SVIL: variants seen among roughly 807,000 people sequenced by gnomAD.
SVIL encodes archvillin.
SVIL carries 101 observed loss-of-function variants against 240.4 expected under a neutral mutation model. The ratio of observed to expected loss-of-function variants is 0.42; its 90% CI spans 0.36 to 0.50. The LOEUF (loss-of-function observed/expected upper bound fraction) is 0.50. Among genes scored for constraint, SVIL ranks in the 20% least tolerant of loss-of-function variants. The pLI is 0.01. For missense variants in SVIL, 2,512 were observed against 2,818.7 expected (o/e 0.89, Z 2.46); for synonymous variants, 999 against 1,100.0 (o/e 0.91, Z 1.82).
Position 29,523,787 on chromosome 10 carries a change from T to C in SVIL, c.2827A>G (p.Met943Val), listed in dbSNP as rs1353857882. 6.2e-7 allele frequency: 1 copy of C among 1,614,108 alleles called. No individual in the cohort carries two copies. Among genetic ancestry groups the C allele is most frequent in the Non-Finnish European group, 8.5e-7 (1 of 1,180,044 alleles). ...TCTGTCTCTCCATATTCTCTCAACA[T>C]TCCCTTGTTCTCGCTACCCTCTACC... ...PLVEGSENKG[M>V]LREYGETESK... Residue 943 changes from methionine to valine, a missense_variant, in exon 15 of 38, where the codon ATG (methionine) becomes GTG (valine). Met to Val is a conservative substitution (Grantham distance 21). This residue lies in a region of SVIL where 1,443 missense variants were observed against 1,486.6 expected (regional missense o/e 0.97). Coordinates refer to ENST00000355867, the MANE Select transcript of SVIL (RefSeq NM_021738.3).
In SVIL at chr10:29,595,576, A is replaced by T. The variant is rs544302057; in HGVS notation, c.-200-26264T>A. On this transcript the variant is annotated intron_variant, in intron 1 of 37. Coordinates refer to ENST00000355867, the MANE Select transcript of SVIL (RefSeq NM_021738.3). ...TCACTAATCGTTTTCTTAATGGAGAAAGAACTAAAAATGTAAATATGAAAC... is the reference window on the plus strand; with the variant it reads ...TCACTAATCGTTTTCTTAATGGAGATAGAACTAAAAATGTAAATATGAAAC... 2.7e-4 allele frequency among the ~76,000 whole-genome samples: 41 copies of T among 152,374 alleles called. No individual in the cohort carries two copies. The South Asian group carries it at 5.8e-3, about 22-fold the overall frequency.
At chr10:29,712,826 G>A (rs1464680394) in intron 1 of SVIL, among the ~76,000 whole-genome samples, 1 of 152,152 alleles carries the variant, frequency 6.6e-6, no homozygotes, top group Admixed American at 6.6e-5. Context: ...ATAAAATTTG[G>A]CACCTAATAG....
rs147620693 is a variant in SVIL at position 29,539,196 on chromosome 10, T to C, written c.828-3127A>G. 2.8e-3 allele frequency among the ~76,000 whole-genome samples: 420 copies of C among 151,044 alleles called. 3 individuals carry two copies. The highest frequency in any genetic ancestry group is 9.7e-3 in the African/African-American group (397 of 40,986). The stretch of plus-strand genomic sequence containing the variant: ...ATAAATAAATAAATAAATAAATAAA[T>C]AAACAAACAAAGTATGTGAAGGCAT... On this transcript the variant is annotated intron_variant, in intron 6 of 37. Transcript: ENST00000355867.
In SVIL at chr10:29,735,524, C is replaced by G. The variant is rs1189321549; in HGVS notation, c.-400+227G>C. On this transcript the variant is annotated intron_variant, in intron 1 of 35. Transcript: ENST00000375400. This position sits in a 1 kb window ranked among gnomAD's most constrained non-coding sequence, Gnocchi z 4.1. ...CGCGCCTTTGTTACGGCTCGGGGAC[C>G]CCGCGGGCCGAGCGCAGCGCCCCGT... 6.6e-6 allele frequency among the ~76,000 whole-genome samples: 1 copy of G among 150,508 alleles called. No individual in the cohort carries two copies.
chr10:29,713,393 T>G (rs1454924301), intron 1 of SVIL, among the ~76,000 whole-genome samples: 1 of 152,072 alleles, frequency 6.6e-6, no homozygotes, highest in Non-Finnish European at 1.5e-5. Flanking sequence ...CTAAAATAAT[T>G]TTAACAGGAA....
intron 1 of SVIL, among the ~76,000 whole-genome samples, chr10:29,599,794 A>C (rs1169527693): frequency 6.6e-6 from 1 of 152,132 alleles, no homozygotes; most frequent in Non-Finnish European, 1.5e-5. Context: ...GATAGACAGG[A>C]TATGGGTGGC....
chr10:29,482,021 C>CTTTTTTTTTTTTTT (rs35856299), intron 27 of SVIL, among the ~76,000 whole-genome samples: 4 of 113,408 alleles, frequency 3.5e-5, no homozygotes, highest in African/African-American at 8.9e-5. Context: ...CTTTTCTTTT[C>CTTTTTTTTTTTTTT]TTTTTTTTTT....
intron 13 of SVIL, 108 bp from the exon 14 acceptor site, chr10:29,524,823 C>T (rs1950790551): frequency 6.5e-7 from 1 of 1,538,616 alleles, no homozygotes; most frequent in Admixed American, 1.9e-5. Context: ...CAAAGGGCTT[C>T]TTTTTCCCTA....
At chr10:29,674,707 G>A (rs1286690285) in intron 2 of SVIL, among the ~76,000 whole-genome samples, 2 of 152,218 alleles carry the variant, frequency 1.3e-5, no homozygotes, top group African/African-American at 4.8e-5. Context: ...AGTTTTAGAT[G>A]TTAGATGTTT....
chr10:29,591,219 G>T (rs1406108045), intron 1 of SVIL, among the ~76,000 whole-genome samples: 1 of 152,114 alleles, frequency 6.6e-6, no homozygotes, highest in East Asian at 1.9e-4. Context: ...CAAATACTCT[G>T]GGAACACCTG....
chr10:29,569,058 T>C (rs986652499), intron 2 of SVIL, among the ~76,000 whole-genome samples, 197 bp downstream of exon 2: 1 of 152,262 alleles, frequency 6.6e-6, no homozygotes, highest in African/African-American at 2.4e-5. Flanking sequence ...ACAGCAAGAT[T>C]CTGTTCTCCA....
intron 6 of SVIL, 111 bp from the exon 7 acceptor site, chr10:29,536,180 C>T: frequency 9.8e-7 from 1 of 1,019,674 alleles, no homozygotes; most frequent in Non-Finnish European, 1.5e-6. Flanking sequence ...GAATAATCCT[C>T]ACTTATAAGT....
At chr10:29,651,111 C>T (rs912666234) in intron 3 of SVIL, among the ~76,000 whole-genome samples, 3 of 152,140 alleles carry the variant, frequency 2.0e-5, no homozygotes, top group Non-Finnish European at 4.4e-5. Context: ...GCACTCTTCT[C>T]CGAACCCCAG....
At chr10:29,685,807 A>G (rs950362749) in intron 2 of SVIL, among the ~76,000 whole-genome samples, 2 of 152,102 alleles carry the variant, frequency 1.3e-5, no homozygotes, top group Non-Finnish European at 2.9e-5. Flanking sequence ...CCTTTCCATC[A>G]TGATCTGAAC....
intron 29 of SVIL, among the ~76,000 whole-genome samples, chr10:29,474,954 C>T (rs915293459): frequency 2.0e-5 from 3 of 152,144 alleles, no homozygotes; most frequent in African/African-American, 4.8e-5. Flanking sequence ...GCTGATGGTC[C>T]CCATGGCTGG....
Position 29,629,597 on chromosome 10 carries a change from T to TTCATCCCTTCTACTCTGACTGGTAAAATA in SVIL, c.-201+4822_-201+4823insTATTTTACCAGTCAGAGTAGAAGGGATGA, listed in dbSNP as rs1219399860. ...CAGCTGGATTTGGGCACATGGTATG[T>TTCATCCCTTCTACTCTGACTGGTAAAATA]GCCCAAGCTTGGGCAAGCATTTCTA... On this transcript the variant is annotated intron_variant, in intron 1 of 37. Coordinates refer to ENST00000355867, the MANE Select transcript of SVIL (RefSeq NM_021738.3). 1.9e-3 allele frequency among the ~76,000 whole-genome samples: 242 copies of TTCATCCCTTCTACTCTGACTGGTAAAATA among 129,046 alleles called. 2 individuals carry two copies. Among genetic ancestry groups the TTCATCCCTTCTACTCTGACTGGTAAAATA allele is most frequent in the Admixed American group, 3.4e-3 (39 of 11,640 alleles). The allele number at this position is 129,046 out of a possible 152,430, so 84.7% of individuals were successfully genotyped here.
At chr10:29,712,807 C>T (rs1300933157) in intron 1 of SVIL, among the ~76,000 whole-genome samples, 1 of 152,122 alleles carries the variant, frequency 6.6e-6, no homozygotes, top group African/African-American at 2.4e-5. Context: ...GTACTAGTCC[C>T]CTCATCTTAT....
At chr10:29,563,820 G>A (rs940348423) in intron 2 of SVIL, among the ~76,000 whole-genome samples, 8 of 152,164 alleles carry the variant, frequency 5.3e-5, no homozygotes, top group African/African-American at 1.9e-4. Context: ...GGAAATGAAA[G>A]AGGAGAATAA....
chr10:29,470,127 A>G (rs553222824), intron 32 of SVIL, 149 bp downstream of exon 32: 19 of 846,644 alleles, frequency 2.2e-5, no homozygotes, highest in Non-Finnish European at 3.0e-5. Context: ...TCGGAATGTC[A>G]GAGGCCCCTG....
Sources: gnomAD v4.1 joint callset for allele counts (sites outside exome capture counted in the v4.1 genomes callset) on GRCh38, gnomAD v4.1.1 for gene constraint, gnomAD v4.1.1 regional missense constraint, Gnocchi (gnomAD v3.1) non-coding constraint, MANE v1.5 for transcripts, NCBI Gene and HGNC (gene_info 2026-07-23, HGNC 2026-07-21) for gene names.